The following RGS7 variants were observed in gnomAD, a reference collection of about 807,000 sequenced individuals.
RGS7 encodes the protein regulator of G-protein signaling 7.
RGS7 carries 27 observed loss-of-function variants against 81.1 expected under a neutral mutation model. The observed-to-expected ratio is 0.33, with a 90% CI of 0.25 to 0.46. The LOEUF (loss-of-function observed/expected upper bound fraction) is 0.46. Ranked by LOEUF, RGS7 falls within the 20% of genes least tolerant of loss-of-function variation. The pLI, the probability that RGS7 is intolerant of heterozygous loss-of-function variation, is 1.00. For missense variants in RGS7, 396 were observed against 607.4 expected, an observed-to-expected ratio of 0.65 and a Z score of 3.66; for synonymous variants, 208 against 207.7, an observed-to-expected ratio of 1.00 and a Z score of -0.01.
chr1:241,351,387 C>G (rs2083238052), intron 2 of RGS7, among the ~76,000 whole-genome samples: 1 of 151,404 alleles, frequency 6.6e-6, no homozygotes, highest in African/African-American at 2.4e-5. Flanking sequence ...CCACTGCACT[C>G]CAGCCTGGTC....
intron 18 of RGS7, among the ~76,000 whole-genome samples, chr1:240,789,674 T>C (rs1015621712): frequency 6.6e-6 from 1 of 152,200 alleles, no homozygotes; most frequent in Non-Finnish European, 1.5e-5. Flanking sequence ...AATTACTGCC[T>C]AATAAATTTT....
At chr1:240,883,821 A>G (rs570619430) in intron 6 of RGS7, among the ~76,000 whole-genome samples, 2 of 152,282 alleles carry the variant, frequency 1.3e-5, no homozygotes, top group Admixed American at 6.5e-5. Flanking sequence ...CATGCCTATA[A>G]TCCCAGCACT....
intron 2 of RGS7, among the ~76,000 whole-genome samples, chr1:241,217,440 A>G (rs2074635336): frequency 1.3e-5 from 2 of 152,216 alleles, no homozygotes; most frequent in African/African-American, 4.8e-5. Flanking sequence ...CCAGTCATCC[A>G]GGAAGTAGGG....
At chr1:240,916,138 C>T (rs207461323) in intron 6 of RGS7, among the ~76,000 whole-genome samples, 1 of 144,502 alleles carries the variant, frequency 6.9e-6, no homozygotes, top group African/African-American at 2.6e-5. Context: ...AAAATTAGCA[C>T]ATGGTGGCTC....
chr1:240,981,309 A>G (rs1684878435), intron 4 of RGS7, among the ~76,000 whole-genome samples: 1 of 151,804 alleles, frequency 6.6e-6, no homozygotes, highest in African/African-American at 2.4e-5. Flanking sequence ...AGGGTTTTTC[A>G]CCGTATTGGC....
intron 3 of RGS7, among the ~76,000 whole-genome samples, chr1:241,042,785 C>T (rs1480187444): frequency 6.6e-6 from 1 of 151,902 alleles, no homozygotes; most frequent in Non-Finnish European, 1.5e-5. Flanking sequence ...ACTAAAAATA[C>T]AAAAATTAGC....
intron 9 of RGS7, among the ~76,000 whole-genome samples, chr1:240,860,875 T>C (rs1016990749): frequency 6.6e-6 from 1 of 152,142 alleles, no homozygotes; most frequent in Non-Finnish European, 1.5e-5. Flanking sequence ...TCTCGCTCCA[T>C]CTGAATGTCA....
Position 240,977,009 on chromosome 1 carries a change from TTATCTCTATCATTTATC to T in RGS7, c.226+6053_226+6069del, listed in dbSNP as rs879645585. Among the ~76,000 whole-genome samples the T allele has an allele frequency of 8.5e-3, 1,293 of 151,284 alleles. 18 individuals are homozygous for T. Among genetic ancestry groups the T allele is most frequent in the African/African-American group, 0.03 (1,227 of 40,934 alleles). ...CTATCATTTATCTATCATCTATCAT[TTATCTCTATCATTTATC>T]TATCTATCATCTATCATTTATCTAT... On this transcript the variant is annotated intron_variant, in intron 4 of 18. Transcript: ENST00000440928.
intron 2 of RGS7, among the ~76,000 whole-genome samples, chr1:241,261,989 T>TGC (rs2077362063): frequency 1.4e-5 from 2 of 147,328 alleles, no homozygotes; most frequent in African/African-American, 5.0e-5. Context: ...TGTTTGTTCA[T>TGC]TTTTTAAGAA....
intron 6 of RGS7, among the ~76,000 whole-genome samples, chr1:240,885,862 C>T (rs920298413): frequency 1.3e-5 from 2 of 152,104 alleles, no homozygotes; most frequent in Admixed American, 1.3e-4. Context: ...ACGAGTTTAT[C>T]TGTATAACAA....
intron 9 of RGS7, among the ~76,000 whole-genome samples, chr1:240,859,659 A>C (rs1290560958): frequency 6.6e-6 from 1 of 151,854 alleles, no homozygotes; most frequent in Non-Finnish European, 1.5e-5. Flanking sequence ...TTTCCAAAAA[A>C]AGTTTTGATT....
At chr1:241,039,436 T>A (rs1378444942) in intron 3 of RGS7, among the ~76,000 whole-genome samples, 2 of 152,158 alleles carry the variant, frequency 1.3e-5, no homozygotes, top group Non-Finnish European at 2.9e-5. Flanking sequence ...AGAATGGGAT[T>A]TGGGGTTGTC....
At chr1:240,997,881 T>A (rs1687534456) in intron 3 of RGS7, among the ~76,000 whole-genome samples, 1 of 152,218 alleles carries the variant, frequency 6.6e-6, no homozygotes, top group Admixed American at 6.5e-5. Context: ...ATTTCTTACA[T>A]GTTTGCTTAC....
chr1:240,814,429 G>A (rs1038076917), intron 12 of RGS7, among the ~76,000 whole-genome samples: 5 of 152,220 alleles, frequency 3.3e-5, no homozygotes, highest in Admixed American at 1.3e-4. Context: ...TCCAGCAGGA[G>A]TGAAAAGGCT....
At chr1:240,927,006 T>C (rs1366275543) in intron 6 of RGS7, among the ~76,000 whole-genome samples, 2 of 152,164 alleles carry the variant, frequency 1.3e-5, no homozygotes, top group East Asian at 3.8e-4. Flanking sequence ...AAGTTTAAAC[T>C]GGGGATGGAA....
intron 6 of RGS7, among the ~76,000 whole-genome samples, chr1:240,897,152 T>A (rs1450356817): frequency 6.6e-6 from 1 of 152,166 alleles, no homozygotes; most frequent in African/African-American, 2.4e-5. Context: ...CTTTGCTCAA[T>A]TTGCTTATCA....
At chr1:241,048,403 TC>T (rs1194312934) in intron 3 of RGS7, among the ~76,000 whole-genome samples, 2 of 152,116 alleles carry the variant, frequency 1.3e-5, no homozygotes, top group African/African-American at 4.8e-5. Context: ...TCTTCATATC[TC>T]CCCCACCCCT....
intron 2 of RGS7, among the ~76,000 whole-genome samples, chr1:241,196,011 G>C (rs73130954): frequency 0.047 from 7,078 of 151,848 alleles, 471 homozygotes; most frequent in African/African-American, 0.15. Context: ...TAAGAAGAAA[G>C]AATACAAAGA....
intron 3 of RGS7, chr1:240,998,362 C>T (rs1004609070): frequency 2.0e-5 from 10 of 503,524 alleles, no homozygotes; most frequent in African/African-American, 1.9e-4. Flanking sequence ...CTTTGCTATG[C>T]TTGTGATGTT....
Sources: gnomAD v4.1 joint callset for allele counts (sites outside exome capture counted in the v4.1 genomes callset) on GRCh38, gnomAD v4.1.1 for gene constraint, MANE v1.5 for transcripts, NCBI Gene and HGNC (gene_info 2026-07-23, HGNC 2026-07-21) for gene names.